The following AOAH variants were observed in gnomAD, a reference collection of about 807,000 sequenced individuals.
The protein encoded by AOAH is acyloxyacyl hydrolase (neutrophil).
Under a neutral mutation model 92.2 loss-of-function variants are expected in AOAH, and 64 were observed. That is an observed-to-expected ratio of 0.69 (90% CI 0.57 to 0.86). The LOEUF (loss-of-function observed/expected upper bound fraction) is 0.86, where lower values mean the gene tolerates loss of function less well. AOAH is among the 40% of genes least tolerant of loss of function. The pLI is 0.00. For synonymous variants in AOAH, 263 were observed against 254.5 expected (o/e 1.03, Z -0.32); for missense variants, 656 against 694.6 (o/e 0.94, Z 0.62).
chr7:36,534,188 GC>G (rs896382715), intron 16 of AOAH, among the ~76,000 whole-genome samples: 4 of 151,834 alleles, frequency 2.6e-5, no homozygotes, highest in Non-Finnish European at 4.4e-5. Context: ...GGGGATGAAG[GC>G]CCACCCTGGC....
chr7:36,529,762 A>G (rs1179190192), intron 19 of AOAH, among the ~76,000 whole-genome samples: 1 of 152,258 alleles, frequency 6.6e-6, no homozygotes, highest in East Asian at 1.9e-4. Context: ...TCAATAAGCA[A>G]TAATTTTTCA....
chr7:36,672,750 A>C (rs1796007683), intron 3 of AOAH, among the ~76,000 whole-genome samples: 2 of 152,174 alleles, frequency 1.3e-5, no homozygotes. Flanking sequence ...ACAAACCTGC[A>C]TGTTCAGCAC....
intron 8 of AOAH, among the ~76,000 whole-genome samples, chr7:36,621,387 T>A (rs537916493): frequency 3.9e-5 from 6 of 152,220 alleles, no homozygotes; most frequent in Non-Finnish European, 7.4e-5. Context: ...GAAGGCTGGA[T>A]AAGTGTCTAC....
intron 3 of AOAH, among the ~76,000 whole-genome samples, chr7:36,665,739 AG>A (rs2116584805): frequency 6.6e-6 from 1 of 151,790 alleles, no homozygotes; most frequent in East Asian, 1.9e-4. Context: ...GTTTACTGAG[AG>A]TTTTTTTTAA....
chr7:36,632,975 C>T (rs1793238602), intron 5 of AOAH, among the ~76,000 whole-genome samples: 1 of 152,206 alleles, frequency 6.6e-6, no homozygotes, highest in African/African-American at 2.4e-5. Flanking sequence ...GATGTGGAGA[C>T]AAAGAGGCTG....
chr7:36,662,897 G>A (rs1439708536), intron 3 of AOAH, among the ~76,000 whole-genome samples: 1 of 152,182 alleles, frequency 6.6e-6, no homozygotes, highest in African/African-American at 2.4e-5. Context: ...AAAGTGACAA[G>A]TAGTCCTTTG....
chr7:36,557,311 C>T (rs1786817002), intron 13 of AOAH, among the ~76,000 whole-genome samples: 1 of 152,294 alleles, frequency 6.6e-6, no homozygotes, highest in East Asian at 1.9e-4. Flanking sequence ...TGAATATTGG[C>T]CCCCACTCTC....
intron 20 of AOAH, 105 bp from the exon 21 acceptor site, chr7:36,513,485 C>A: frequency 9.3e-7 from 1 of 1,075,688 alleles, no homozygotes. Flanking sequence ...CTAGGATGGC[C>A]CCATGACTCC....
In AOAH at chr7:36,614,335, T is replaced by A. The variant is rs1280258052; in HGVS notation, c.846+2045A>T. Among the ~76,000 whole-genome samples the A allele has an allele frequency of 1.3e-5, 2 of 152,200 alleles. No individual in the cohort carries two copies. The highest frequency in any genetic ancestry group is 2.9e-5 in the Non-Finnish European group (2 of 68,040). ...TGCATCAGACCCGGGCAGGGCTTTATGTGTGTGCAACCAGTGGGTCCCATG... is the reference window on the plus strand; with the variant it reads ...TGCATCAGACCCGGGCAGGGCTTTAAGTGTGTGCAACCAGTGGGTCCCATG... On this transcript the variant is annotated intron_variant, in intron 11 of 20. Coordinates refer to ENST00000617537, the MANE Select transcript of AOAH (RefSeq NM_001637.4). The surrounding 1 kb of genome is among the most constrained non-coding windows in gnomAD (Gnocchi z 4.2).
intron 8 of AOAH, 34 bp from the exon 9 acceptor site, chr7:36,620,863 T>C (rs771430715): frequency 1.9e-6 from 3 of 1,599,008 alleles, no homozygotes; most frequent in Non-Finnish European, 2.6e-6. Flanking sequence ...GTCTTTGACA[T>C]ATGCTTGTCT....
At chr7:36,723,941 T>C (rs1799809763) in intron 1 of AOAH, 81 bp downstream of exon 1, 6 of 1,442,698 alleles carry the variant, frequency 4.2e-6, no homozygotes, top group Non-Finnish European at 4.7e-6. Context: ...TTTAATAAAA[T>C]ATGTGATTTA....
At chr7:36,543,079 G>A (rs986037417) in intron 15 of AOAH, among the ~76,000 whole-genome samples, 3 of 152,086 alleles carry the variant, frequency 2.0e-5, no homozygotes, top group Admixed American at 2.0e-4. Flanking sequence ...CTTAAGGGGG[G>A]AGAGAAAAAG....
chr7:36,569,955 T>C (rs1024217500), intron 13 of AOAH, among the ~76,000 whole-genome samples: 5 of 152,156 alleles, frequency 3.3e-5, no homozygotes, highest in African/African-American at 1.2e-4. Flanking sequence ...TATTTGTTTT[T>C]CTTCTACTCT....
At chr7:36,612,383 T>C (rs1386199217) in intron 11 of AOAH, among the ~76,000 whole-genome samples, 5 of 152,228 alleles carry the variant, frequency 3.3e-5, no homozygotes, top group African/African-American at 9.6e-5. Context: ...TCTATTAATA[T>C]GTGTATTAAC....
chr7:36,637,004 T>A (rs1752233829), intron 5 of AOAH, among the ~76,000 whole-genome samples: 1 of 152,218 alleles, frequency 6.6e-6, no homozygotes, highest in African/African-American at 2.4e-5. Flanking sequence ...GATGGATGCT[T>A]CCTTACTGCC....
intron 5 of AOAH, among the ~76,000 whole-genome samples, chr7:36,637,570 G>A (rs1413447924): frequency 6.6e-6 from 1 of 152,048 alleles, no homozygotes; most frequent in Non-Finnish European, 1.5e-5. Flanking sequence ...GTAGAAGCCA[G>A]GGTTGCTGCT....
At chr7:36,620,644 C>A in intron 9 of AOAH, 137 bp downstream of exon 9, 1 of 736,894 alleles carries the variant, frequency 1.4e-6, no homozygotes, top group East Asian at 2.7e-5. Flanking sequence ...TTCTATACCC[C>A]TCTTCTAAGC....
chr7:36,545,895 C>T (rs148828755), intron 15 of AOAH, among the ~76,000 whole-genome samples: 27 of 152,320 alleles, frequency 1.8e-4, no homozygotes, highest in East Asian at 1.3e-3. Flanking sequence ...CCACTGCCTC[C>T]GCCACCCCAA....
chr7:36,702,644 T>A (rs1474506053), intron 1 of AOAH, among the ~76,000 whole-genome samples: 2 of 152,166 alleles, frequency 1.3e-5, no homozygotes, highest in African/African-American at 4.8e-5. Context: ...AATGTACATA[T>A]CTTAATTTTA....
Sources: gnomAD v4.1 joint callset for allele counts (sites outside exome capture counted in the v4.1 genomes callset) on GRCh38, gnomAD v4.1.1 for gene constraint, Gnocchi (gnomAD v3.1) non-coding constraint, MANE v1.5 for transcripts, NCBI Gene and HGNC (gene_info 2026-07-23, HGNC 2026-07-21) for gene names.